The following MSRB3 variants were observed in gnomAD, a reference collection of about 807,000 sequenced individuals.
MSRB3 encodes methionine sulfoxide reductase B3.
A neutral mutation model predicts 21.0 loss-of-function variants in MSRB3; 13 were observed. That is an observed-to-expected ratio of 0.62 (90% CI 0.40 to 0.98). The LOEUF is 0.98. MSRB3 is among the 50% of genes least tolerant of loss of function. The probability of loss-of-function intolerance (pLI) is 0.00; values close to 1 mark genes in which losing one functional copy is unlikely to be tolerated. For missense variants in MSRB3, 199 were observed against 230.3 expected (o/e 0.86, Z 0.88); for synonymous variants, 87 against 88.6 (o/e 0.98, Z 0.10).
At chr12:65,427,544 C>G (rs1167519778) in intron 5 of MSRB3, among the ~76,000 whole-genome samples, 1 of 152,136 alleles carries the variant, frequency 6.6e-6, no homozygotes, top group East Asian at 1.9e-4. Context: ...TGCAGGCCCA[C>G]TCGCAGTTTG....
intron 5 of MSRB3, among the ~76,000 whole-genome samples, chr12:65,426,744 C>A (rs1415514666): frequency 1.3e-5 from 2 of 151,858 alleles, no homozygotes; most frequent in East Asian, 3.9e-4. Context: ...CATTCTTTTT[C>A]TTTTATTCTC....
chr12:65,439,722 A>C (rs952106396), intron 5 of MSRB3, among the ~76,000 whole-genome samples: 6 of 151,706 alleles, frequency 4.0e-5, no homozygotes, highest in Non-Finnish European at 8.9e-5. Context: ...ACTTTATAAA[A>C]AGAACAATAA....
At chr12:65,332,075 C>T (rs576119023) in intron 4 of MSRB3, among the ~76,000 whole-genome samples, 10 of 152,116 alleles carry the variant, frequency 6.6e-5, no homozygotes, top group African/African-American at 2.2e-4. Flanking sequence ...AAGGGCCCAG[C>T]CCCATTTTAG....
At chr12:65,339,158 A>G (rs1232058094) in intron 4 of MSRB3, among the ~76,000 whole-genome samples, 1 of 152,238 alleles carries the variant, frequency 6.6e-6, no homozygotes, top group Non-Finnish European at 1.5e-5. Context: ...ACTAACAGAA[A>G]GGTGTTTCTC....
intron 2 of MSRB3, among the ~76,000 whole-genome samples, chr12:65,318,953 AGTCATTCGG>A (rs1874487324): frequency 6.6e-6 from 1 of 152,206 alleles, no homozygotes; most frequent in Non-Finnish European, 1.5e-5. Context: ...TCTATCGTAC[AGTCATTCGG>A]GTGAATTATT....
At chr12:65,414,558 G>A (rs150461518) in intron 5 of MSRB3, among the ~76,000 whole-genome samples, 10 of 152,274 alleles carry the variant, frequency 6.6e-5, no homozygotes, top group Non-Finnish European at 1.2e-4. Context: ...AGCAATGGGC[G>A]ATAGCATGTA....
intron 1 of MSRB3, chr12:65,279,082 GT>G: frequency 2.1e-6 from 3 of 1,400,764 alleles, no homozygotes; most frequent in Middle Eastern, 2.5e-4. Flanking sequence ...GTCAGGGCTG[GT>G]TTCCCCCCAC....
chr12:65,309,181 G>GTGGGTTCTT (rs1196177460), intron 2 of MSRB3, among the ~76,000 whole-genome samples: 2 of 152,168 alleles, frequency 1.3e-5, no homozygotes, highest in African/African-American at 4.8e-5. Flanking sequence ...GCATGCATCA[G>GTGGGTTCTT]TGGGTTCTTA....
chr12:65,422,796 A>G (rs931819215), intron 5 of MSRB3, among the ~76,000 whole-genome samples: 42 of 151,746 alleles, frequency 2.8e-4, no homozygotes, highest in Non-Finnish European at 1.6e-4. Context: ...ATTTCTAAGT[A>G]TTTTATTTGT....
chr12:65,312,517 T>C (rs1022856574), intron 2 of MSRB3, among the ~76,000 whole-genome samples: 3 of 152,086 alleles, frequency 2.0e-5, no homozygotes, highest in African/African-American at 7.2e-5. Flanking sequence ...TTTGTCTAAA[T>C]AGTACTAATT....
chr12:65,349,847 C>T (rs529348416), intron 4 of MSRB3, among the ~76,000 whole-genome samples: 12 of 151,828 alleles, frequency 7.9e-5, no homozygotes, highest in South Asian at 2.1e-4. Context: ...AATTTTCTCC[C>T]GTTTTGTAGG....
chr12:65,387,424 A>G (rs1363611204), intron 5 of MSRB3, among the ~76,000 whole-genome samples: 1 of 151,924 alleles, frequency 6.6e-6, no homozygotes, highest in East Asian at 1.9e-4. Flanking sequence ...TGCCTATCTG[A>G]TAGGTAAAAA....
chr12:65,350,939 A>G (rs1355798954), intron 4 of MSRB3, among the ~76,000 whole-genome samples: 11 of 148,290 alleles, frequency 7.4e-5, no homozygotes, highest in Admixed American at 2.0e-4. Context: ...CAGGAATTGA[A>G]CTCAGCTCTG....
chr12:65,421,919 A>T (rs1460115014), intron 5 of MSRB3, among the ~76,000 whole-genome samples: 2 of 152,174 alleles, frequency 1.3e-5, no homozygotes, highest in Non-Finnish European at 2.9e-5. Context: ...TTTCCCATTT[A>T]AAAGGCACAG....
In MSRB3 at chr12:65,330,863, A is replaced by G. The variant is rs530045633; in HGVS notation, c.263+2260A>G. Among the ~76,000 whole-genome samples, 6 of 152,326 alleles carry G rather than the reference A, an allele frequency of 3.9e-5. No individual in the cohort carries two copies. In the South Asian group the frequency reaches 8.3e-4, roughly 21 times the overall value. On this transcript the variant is annotated intron_variant, in intron 4 of 6. Transcript: ENST00000308259. Reference sequence around the variant, plus strand: ...CTGTCTCTCCATCTGCTGACTGTCCATTCATTTTCTACTAGCCTACTTAAG... The same window carrying G: ...CTGTCTCTCCATCTGCTGACTGTCCGTTCATTTTCTACTAGCCTACTTAAG...
intron 5 of MSRB3, among the ~76,000 whole-genome samples, chr12:65,384,894 T>C (rs951068729): frequency 6.6e-6 from 1 of 152,146 alleles, no homozygotes; most frequent in East Asian, 1.9e-4. Context: ...TTTTAGAAAG[T>C]TTAACTCTAA....
At chr12:65,445,851 C>T (rs965758929) in intron 5 of MSRB3, among the ~76,000 whole-genome samples, 30 of 151,786 alleles carry the variant, frequency 2.0e-4, no homozygotes, top group African/African-American at 6.8e-4. Context: ...CACCATGTTG[C>T]CCAGGCTGGT....
At chr12:65,380,106 T>C (rs1341861769) in intron 5 of MSRB3, among the ~76,000 whole-genome samples, 2 of 152,206 alleles carry the variant, frequency 1.3e-5, no homozygotes, top group Non-Finnish European at 2.9e-5. Context: ...GTATGGTGAT[T>C]GATTGGGGCA....
intron 4 of MSRB3, among the ~76,000 whole-genome samples, chr12:65,360,251 T>C (rs1877624829): frequency 6.6e-6 from 1 of 152,130 alleles, no homozygotes; most frequent in African/African-American, 2.4e-5. Flanking sequence ...TGGGGGAACA[T>C]AATTCATCCA....
Sources: allele counts gnomAD v4.1 joint callset (sites outside exome capture counted in the v4.1 genomes callset), GRCh38; gene constraint gnomAD v4.1.1; transcripts MANE v1.5; gene names NCBI Gene and HGNC (gene_info 2026-07-23, HGNC 2026-07-21).